Variants in MINAR1 observed in about 807,000 individuals in gnomAD.
The protein encoded by MINAR1 is membrane integral NOTCH2 associated receptor 1.
Under a neutral mutation model 65.1 loss-of-function variants are expected in MINAR1, and 40 were observed. The observed-to-expected ratio is 0.61, with a 90% CI of 0.48 to 0.80. The LOEUF (loss-of-function observed/expected upper bound fraction) is 0.80, where lower values mean the gene tolerates loss of function less well. Among genes scored for constraint, MINAR1 ranks in the 30% least tolerant of loss-of-function variants. The pLI, the probability that MINAR1 is intolerant of heterozygous loss-of-function variation, is 0.00. For synonymous variants in MINAR1, 482 were observed against 449.1 expected, an observed-to-expected ratio of 1.07 and a Z score of -0.93; for missense variants, 1,128 against 1,148.0, an observed-to-expected ratio of 0.98 and a Z score of 0.25.
At chr15:79,415,423 G>A in the MINAR1 span, 2 of 152,334 alleles carry the variant, frequency 1.3e-5, no homozygotes, top group East Asian at 3.9e-4. Flanking sequence ...AGGAGCTACA[G>A]ATTACCCAAC....
chr15:79,456,274 C>G lies in MINAR1; in HGVS notation c.127C>G (p.Leu43Val), dbSNP rs1341214993. Reference sequence around the variant, plus strand: ...CTGTGCCCGGTTCGACCTGTCGCAGCTTGCCAAACTGAGAAGTGTGCTCTT... The same window carrying G: ...CTGTGCCCGGTTCGACCTGTCGCAGGTTGCCAAACTGAGAAGTGTGCTCTT... ...SLCARFDLSQ[L>V]AKLRSVLFYT... Residue 43 changes from leucine to valine, a missense_variant, in exon 2 of 4, where the codon CTT becomes GTT. Transcript: ENST00000305428. 6.2e-7 allele frequency: 1 copy of G among 1,614,160 alleles called. No homozygotes were observed. Among genetic ancestry groups the G allele is most frequent in the South Asian group, 1.1e-5 (1 of 91,076 alleles).
chr15:79,452,859 CTG>C (rs377644308), intron 1 of MINAR1, among the ~76,000 whole-genome samples: 4,897 of 144,294 alleles, frequency 0.034, 107 homozygotes, highest in Middle Eastern at 0.066. Flanking sequence ...ATGGGTGAGT[CTG>C]TGTGAGTGTG....
intron 1 of MINAR1, among the ~76,000 whole-genome samples, chr15:79,446,013 T>C (rs1313373108): frequency 6.6e-6 from 1 of 152,246 alleles, no homozygotes; most frequent in African/African-American, 2.4e-5. Flanking sequence ...TTATTTGTGA[T>C]ATTAATTAGT....
At chr15:79,422,496 C>G in the MINAR1 span, 2 of 146,360 alleles carry the variant, frequency 1.4e-5, no homozygotes, top group Non-Finnish European at 3.0e-5. Flanking sequence ...TGCAGTGAGT[C>G]AAGATTAAGC....
Position 79,468,536 on chromosome 15 carries a change from GTA to G in MINAR1, c.*155_*156del. ...GTTGAATGAAGGTGGTTTTCAGAAA[GTA>G]TACATTCTAGTGAGAAATCTACCTA... is the stretch of plus-strand genomic sequence containing the variant. On this transcript the variant is annotated 3_prime_UTR_variant, in exon 4 of 4. Coordinates refer to ENST00000305428, the MANE Select transcript of MINAR1 (RefSeq NM_015206.3). The G allele has an allele frequency of 1.4e-6, 1 of 698,968 alleles. No individual in the cohort carries two copies. The highest frequency in any genetic ancestry group is 2.4e-6 in the Non-Finnish European group (1 of 424,694). The allele number at this position is 698,968 out of a possible 1,614,324, so 43.3% of individuals were successfully genotyped here.
chr15:79,421,513 T>C, the MINAR1 span: 1 of 152,224 alleles, frequency 6.6e-6, no homozygotes, highest in Non-Finnish European at 1.5e-5. Flanking sequence ...GTCCCTGAGG[T>C]GGGCAGTAGA....
chr15:79,457,459 A>G lies in MINAR1; in HGVS notation c.1312A>G (p.Lys438Glu), dbSNP rs1281380914. 2 of 1,614,186 alleles carry G rather than the reference A, an allele frequency of 1.2e-6. No individual in the cohort carries two copies. Among genetic ancestry groups the G allele is most frequent in the East Asian group, 2.2e-5 (1 of 44,878 alleles). The change falls in exon 2 of 4, where the codon AAA becomes GAA. Residue 438 changes from lysine (K) to glutamate (E), a missense_variant. Physicochemically the swap from Lys to Glu is moderately conservative, Grantham distance 56 (BLOSUM62 1). Coordinates refer to ENST00000305428, the MANE Select transcript of MINAR1 (RefSeq NM_015206.3). The part of the protein sequence containing the change: ...YAAKQNGLKS[K>E]EISSPVDLEK... ...GGCAAAACAAAATGGGCTCAAATCT[A>G]AAGAGATCTCATCCCCTGTTGACCT... is the stretch of plus-strand genomic sequence containing the variant.
the MINAR1 span, chr15:79,426,355 C>T: frequency 6.6e-6 from 1 of 152,246 alleles, no homozygotes; most frequent in Non-Finnish European, 1.5e-5. Flanking sequence ...TTCAGATTCA[C>T]AGCCTCAGGC....
At chr15:79,454,048 A>G (rs1432905303) in intron 1 of MINAR1, among the ~76,000 whole-genome samples, 1 of 152,178 alleles carries the variant, frequency 6.6e-6, no homozygotes, top group Admixed American at 6.5e-5. Context: ...ATCTACACCC[A>G]TTCATTTACT....
upstream of MINAR1, among the ~76,000 whole-genome samples, chr15:79,429,548 A>T (rs1478327168): frequency 6.6e-6 from 1 of 152,252 alleles, no homozygotes; most frequent in African/African-American, 2.4e-5. Flanking sequence ...GAGGCTGGAT[A>T]GTTTCTGGAT....
At chr15:79,465,195 C>T (rs542559700) in intron 3 of MINAR1, among the ~76,000 whole-genome samples, 9 of 152,138 alleles carry the variant, frequency 5.9e-5, no homozygotes, top group Admixed American at 2.6e-4. Flanking sequence ...GTTCAATAGC[C>T]GTGTGAGGGT....
Position 79,457,582 on chromosome 15 carries a change from G to C in MINAR1, c.1435G>C (p.Glu479Gln), listed in dbSNP as rs201404813. Reference sequence around the variant, plus strand: ...CACCAGTAGCGTGGGCACCCAGACTGAGCACGTGCTGGAGCCCAAGAAATG... The same window carrying C: ...CACCAGTAGCGTGGGCACCCAGACTCAGCACGTGCTGGAGCCCAAGAAATG... ...SDTSSVGTQT[E>Q]HVLEPKKCRD... Residue 479 changes from glutamate (E) to glutamine (Q), a missense_variant, in exon 2 of 4, where the codon GAG (glutamate) becomes CAG (glutamine). By Grantham distance (29) the Glu-to-Gln change is conservative (BLOSUM62 2). Coordinates refer to ENST00000305428, the MANE Select transcript of MINAR1 (RefSeq NM_015206.3). The C allele has an allele frequency of 6.8e-6, 11 of 1,614,046 alleles. No individual in the cohort carries two copies. Among genetic ancestry groups the C allele is most frequent in the South Asian group, 6.6e-5 (6 of 91,074 alleles).
chr15:79,440,820 C>T (rs1444450698), intron 1 of MINAR1, among the ~76,000 whole-genome samples: 2 of 152,122 alleles, frequency 1.3e-5, no homozygotes, highest in African/African-American at 4.8e-5. Flanking sequence ...TGCTTTTCTC[C>T]ATAGCACTTT....
intron 3 of MINAR1, among the ~76,000 whole-genome samples, chr15:79,466,021 GGCTTCTGGGGCTCTAGCAGAGGAT>G (rs1895838478): frequency 6.6e-6 from 1 of 152,096 alleles, no homozygotes; most frequent in South Asian, 2.1e-4. Context: ...TCAGGGAAGA[GGCTTCTGGGGCTCTAGCAGAGGAT>G]GCAGGAGTTT....
intron 1 of MINAR1, among the ~76,000 whole-genome samples, chr15:79,450,813 G>A (rs1166898124): frequency 2.6e-5 from 4 of 152,150 alleles, no homozygotes; most frequent in Non-Finnish European, 5.9e-5. Context: ...TTTATAACCT[G>A]CAGAGGGTGC....
rs1208774208 is a variant in MINAR1 at position 79,471,544 on chromosome 15, G to A, written c.*3160G>A. 6.6e-6 allele frequency: 1 copy of A among 152,480 alleles called. No homozygotes were observed. Among genetic ancestry groups the A allele is most frequent in the Non-Finnish European group, 1.5e-5 (1 of 68,022 alleles). 9.4% of individuals were successfully genotyped at this position (152,480 alleles called of 1,614,324 possible). ...GATCATAAATTGTTAGTATTTTAAGGTATGCAACTATGTGATTGACATCTG... is the reference window on the plus strand; with the variant it reads ...GATCATAAATTGTTAGTATTTTAAGATATGCAACTATGTGATTGACATCTG... On this transcript the variant is annotated 3_prime_UTR_variant, in exon 4 of 4. Transcript: ENST00000305428.
chr15:79,423,667 GT>G, the MINAR1 span: 1 of 152,184 alleles, frequency 6.6e-6, no homozygotes, highest in Non-Finnish European at 1.5e-5. Context: ...TCTCAGAATG[GT>G]ATAAACATTC....
At chr15:79,450,912 A>T (rs1895171833) in intron 1 of MINAR1, among the ~76,000 whole-genome samples, 1 of 152,220 alleles carries the variant, frequency 6.6e-6, no homozygotes, top group East Asian at 1.9e-4. Flanking sequence ...AATGCCTGTC[A>T]CATGGGAAGC....
At chr15:79,420,939 C>T in the MINAR1 span, 1 of 152,342 alleles carries the variant, frequency 6.6e-6, no homozygotes, top group Non-Finnish European at 1.5e-5. Context: ...TGATTGTAAT[C>T]ACATGGTGAC....
Sources: allele counts gnomAD v4.1 joint callset (sites outside exome capture counted in the v4.1 genomes callset), GRCh38; gene constraint gnomAD v4.1.1; transcripts MANE v1.5; gene names NCBI Gene and HGNC (gene_info 2026-07-23, HGNC 2026-07-21).